The following ATG14 variants were observed in gnomAD, a reference collection of about 807,000 sequenced individuals.
ATG14 encodes beclin 1-associated autophagy-related key regulator.
ATG14 carries 35 observed loss-of-function variants against 60.4 expected under a neutral mutation model. The observed-to-expected ratio is 0.58, with a 90% CI of 0.44 to 0.77. The LOEUF (loss-of-function observed/expected upper bound fraction) is 0.77. ATG14 is among the 30% of genes least tolerant of loss of function. The probability of loss-of-function intolerance (pLI) is 0.00; values close to 1 mark genes in which losing one functional copy is unlikely to be tolerated. For synonymous variants in ATG14, 234 were observed against 228.8 expected (o/e 1.02, Z -0.21); for missense variants, 647 against 626.3 (o/e 1.03, Z -0.35).
At chr14:55,388,158 T>TG (rs1566581286) in intron 4 of ATG14, among the ~76,000 whole-genome samples, 2 of 152,108 alleles carry the variant, frequency 1.3e-5, no homozygotes, top group Non-Finnish European at 2.9e-5. Context: ...CAACAACATC[T>TG]CTTTGCCATC....
chr14:55,388,948 C>CT lies in ATG14; in HGVS notation c.409+1962dup, dbSNP rs913362225. 2.1e-3 allele frequency among the ~76,000 whole-genome samples: 317 copies of CT among 148,994 alleles called. 8 individuals carry two copies. The East Asian group carries it at 0.042, about 20-fold the overall frequency. The stretch of plus-strand genomic sequence containing the variant: ...GAAATACAGAGTAAGCACGTTGAAG[C>CT]TTTTTTTTTTCAACATGGCGATTTG... On this transcript the variant is annotated intron_variant, in intron 4 of 9. Transcript: ENST00000247178.
At position 55,411,784 on chromosome 14, in the gene ATG14, C is replaced by A. The variant is rs1441557706; in HGVS notation, c.39G>T (p.Glu13Asp). The change falls in exon 1 of 10, where the codon GAG becomes GAT. Residue 13 changes from glutamate (E) to aspartate (D), a missense_variant. By Grantham distance (45) the Glu-to-Asp change is conservative. Transcript: ENST00000247178. ...GCGGCCGGGGCCCGCAGCCAGGAGC[C>A]TCCAGCGCCCGGGCTCCCTTCCCAC... is the stretch of plus-strand genomic sequence containing the variant. ...SPSGKGARAL[E>D]APGCGPRPLA... 6.2e-7 allele frequency: 1 copy of A among 1,602,918 alleles called. No individual in the cohort carries two copies. The highest frequency in any genetic ancestry group is 8.5e-7 in the Non-Finnish European group (1 of 1,175,316).
chr14:55,369,493 AAAC>A lies in ATG14; in HGVS notation c.*123_*125del. On this transcript the variant is annotated 3_prime_UTR_variant, in exon 10 of 10. Coordinates refer to ENST00000247178, the MANE Select transcript of ATG14 (RefSeq NM_014924.5). ...GTTTGTCTCCCTGCTTAAAAAGACA[AAAC>A]AAAACAACACTTTAACCTCTTTGTT... The A allele has an allele frequency of 1.0e-6, 1 of 996,966 alleles. No individual in the cohort carries two copies. Among genetic ancestry groups the A allele is most frequent in the Non-Finnish European group, 1.4e-6 (1 of 715,980 alleles). The allele number at this position is 996,966 out of a possible 1,614,324, so 61.8% of individuals were successfully genotyped here.
intron 9 of ATG14, 113 bp from the exon 10 acceptor site, chr14:55,370,038 A>G: frequency 3.0e-6 from 3 of 999,658 alleles, no homozygotes; most frequent in Admixed American, 2.7e-5. Flanking sequence ...CGCACACCCC[A>G]TTCATTCCCC....
rs1049438523 is a variant in ATG14, at chr14:55,406,105, T to A, written c.221+5497A>T. Among the ~76,000 whole-genome samples, 4 of 152,202 alleles carry A rather than the reference T, an allele frequency of 2.6e-5. No homozygotes were observed. In the South Asian group the frequency reaches 8.3e-4, roughly 32 times the overall value. Reference sequence around the variant, plus strand: ...TGTCCCCAAAAGTAAAGACACATGGTTCCCTTCTTAAGAGTCAAAGGAACT... The same window carrying A: ...TGTCCCCAAAAGTAAAGACACATGGATCCCTTCTTAAGAGTCAAAGGAACT... On this transcript the variant is annotated intron_variant, in intron 1 of 9. Coordinates refer to ENST00000247178, the MANE Select transcript of ATG14 (RefSeq NM_014924.5).
intron 3 of ATG14, among the ~76,000 whole-genome samples, chr14:55,393,217 T>C (rs975413745): frequency 7.9e-5 from 12 of 151,498 alleles, no homozygotes; most frequent in Admixed American, 2.6e-4. Flanking sequence ...CCGTCTCTAC[T>C]AAAAAAACAC....
chr14:55,400,980 T>C (rs1446291786), intron 1 of ATG14, among the ~76,000 whole-genome samples: 1 of 151,692 alleles, frequency 6.6e-6, no homozygotes, highest in Non-Finnish European at 1.5e-5. Flanking sequence ...TCAAAGAATA[T>C]TTACAGCAAA....
At position 55,381,964 on chromosome 14, in the gene ATG14, G is replaced by T; in HGVS notation, c.875C>A (p.Pro292His). The change falls in exon 6 of 10, where the codon CCT (proline) becomes CAT (histidine). Residue 292 changes from proline (P) to histidine (H), a missense_variant and splice_region_variant. By Grantham distance (77) the Pro-to-His change is moderately conservative (BLOSUM62 -2). Coordinates refer to ENST00000247178, the MANE Select transcript of ATG14 (RefSeq NM_014924.5). ...WVEEKKTTQGPDMEQSNPAYT... is the reference protein window; with the variant it reads ...WVEEKKTTQGHDMEQSNPAYT... ...TCAAAGGATATGCTGCTTCTCACCA[G>T]GCCCCTGGGTTGTTTTCTTCTCCTC... The T allele has an allele frequency of 6.2e-7, 1 of 1,612,756 alleles. No individual in the cohort carries two copies. Among genetic ancestry groups the T allele is most frequent in the South Asian group, 1.1e-5 (1 of 91,042 alleles).
intron 9 of ATG14, among the ~76,000 whole-genome samples, chr14:55,372,282 A>C (rs1352624653): frequency 6.8e-6 from 1 of 146,576 alleles, no homozygotes; most frequent in East Asian, 2.1e-4. Context: ...TCCTCACCAT[A>C]TCACCACCAC....
intron 5 of ATG14, among the ~76,000 whole-genome samples, chr14:55,385,314 A>G (rs375832690): frequency 6.6e-6 from 1 of 152,082 alleles, no homozygotes; most frequent in African/African-American, 2.4e-5. Context: ...TTTCTTTGAG[A>G]CAGAGTCTCG....
chr14:55,410,278 C>G (rs1885550797), intron 1 of ATG14, among the ~76,000 whole-genome samples: 1 of 152,150 alleles, frequency 6.6e-6, no homozygotes, highest in South Asian at 2.1e-4. Flanking sequence ...GTTGGAGATA[C>G]AAGTCTGGCA....
rs767328468 is a variant in ATG14 at position 55,382,185 on chromosome 14, G to T, written c.654C>A (p.Pro218=). The change falls in exon 6 of 10, where the codon CCC becomes CCA. Residue 218 remains proline, a synonymous_variant. Transcript: ENST00000247178. ...IEEVKTGVRD[P]ADVSSESDSA... is the part of the protein sequence containing the mutation. The stretch of plus-strand genomic sequence containing the variant: ...TGTCACTCTCTGAAGACACATCTGC[G>T]GGGTCTCTACAAGTAGGAAGACACA... The T allele has an allele frequency of 6.2e-7, 1 of 1,614,106 alleles. No homozygotes were observed. Among genetic ancestry groups the T allele is most frequent in the Non-Finnish European group, 8.5e-7 (1 of 1,179,988 alleles).
In ATG14 at chr14:55,388,189, A is replaced by G. The variant is rs528823356; in HGVS notation, c.410-2093T>C. Among the ~76,000 whole-genome samples, 64 of 152,286 alleles carry G rather than the reference A, an allele frequency of 4.2e-4. 3 individuals are homozygous for G. The South Asian group carries it at 0.011, about 25-fold the overall frequency. Reference sequence around the variant, plus strand: ...CCATCCTGCTTAATGTGAATGTCCTAAAGGTTCAGTCTCTTGGTTCCATCA... The same window carrying G: ...CCATCCTGCTTAATGTGAATGTCCTGAAGGTTCAGTCTCTTGGTTCCATCA... On this transcript the variant is annotated intron_variant, in intron 4 of 9. Transcript: ENST00000247178.
rs982975288 is a variant in ATG14, at chr14:55,369,001, TG to T, written c.*617del. The T allele has an allele frequency of 2.6e-5, 4 of 152,486 alleles. No individual in the cohort carries two copies. The highest frequency in any genetic ancestry group is 9.7e-5 in the African/African-American group (4 of 41,406). 9.4% of individuals were successfully genotyped at this position (152,486 alleles called of 1,614,324 possible). A position where few individuals can be genotyped will look rare whatever the true frequency, so the allele number is the denominator to read the frequency against. On this transcript the variant is annotated 3_prime_UTR_variant, in exon 10 of 10. Coordinates refer to ENST00000247178, the MANE Select transcript of ATG14 (RefSeq NM_014924.5). Reference sequence around the variant, plus strand: ...AAAGACTTTCATTTTCTTTGGTGTGTGGGGGAAAGAAAAACAGGAATGTCTG... The same window carrying T: ...AAAGACTTTCATTTTCTTTGGTGTGTGGGGAAAGAAAAACAGGAATGTCTG...
At chr14:55,396,529 G>C (rs1381954351) in intron 2 of ATG14, among the ~76,000 whole-genome samples, 1 of 152,160 alleles carries the variant, frequency 6.6e-6, no homozygotes, top group Non-Finnish European at 1.5e-5. Flanking sequence ...GAGAAGCTTG[G>C]GTTACACTTT....
At chr14:55,384,824 C>T (rs997640251) in intron 5 of ATG14, among the ~76,000 whole-genome samples, 3 of 152,212 alleles carry the variant, frequency 2.0e-5, no homozygotes, top group Non-Finnish European at 4.4e-5. Flanking sequence ...TGGGAATAAA[C>T]GGAAGCCTTC....
intron 6 of ATG14, 45 bp downstream of exon 6, chr14:55,381,917 T>C (rs1259900979): frequency 6.5e-7 from 1 of 1,530,858 alleles, no homozygotes; most frequent in Middle Eastern, 1.7e-4. Flanking sequence ...ATTTTACCTA[T>C]AACTCTCTCT....
chr14:55,385,671 C>T (rs1307877629), intron 5 of ATG14, among the ~76,000 whole-genome samples, 188 bp downstream of exon 5: 1 of 152,188 alleles, frequency 6.6e-6, no homozygotes, highest in African/African-American at 2.4e-5. Context: ...GTGGGCCCCA[C>T]CCCTCACCTC....
rs1156740519 is a variant in ATG14, at chr14:55,368,117, CT to C, written c.*1501del. ...TTTTGCAGTTATTAAAAATAAACTA[CT>C]TACATATTTGTACATAATGCCTCTC... On this transcript the variant is annotated 3_prime_UTR_variant, in exon 10 of 10. Coordinates refer to ENST00000247178, the MANE Select transcript of ATG14 (RefSeq NM_014924.5). 1.3e-5 allele frequency: 2 copies of C among 152,578 alleles called. No homozygotes were observed. Among genetic ancestry groups the C allele is most frequent in the Non-Finnish European group, 2.9e-5 (2 of 68,038 alleles). 9.5% of individuals were successfully genotyped at this position (152,578 alleles called of 1,614,324 possible).
Sources: gnomAD v4.1 joint callset for allele counts (sites outside exome capture counted in the v4.1 genomes callset) on GRCh38, gnomAD v4.1.1 for gene constraint, MANE v1.5 for transcripts, NCBI Gene and HGNC (gene_info 2026-07-23, HGNC 2026-07-21) for gene names.